LHX8: variants seen among roughly 807,000 people sequenced by gnomAD.
LHX8 encodes the protein LIM homeobox 8, also known as LIM/homeobox protein Lhx8.
A neutral mutation model predicts 40.3 loss-of-function variants in LHX8; 12 were observed. The ratio of observed to expected loss-of-function variants is 0.30; its 90% confidence interval spans 0.19 to 0.48. The LOEUF is 0.48. LHX8 is among the 20% of genes least tolerant of loss of function. LHX8 has a pLI of 0.99. For missense variants in LHX8, 344 were observed against 433.7 expected, an observed-to-expected ratio of 0.79 and a Z score of 1.84; for synonymous variants, 179 against 162.0, an observed-to-expected ratio of 1.10 and a Z score of -0.80.
At chr1:75,167,254 C>T in the LHX8 span, among the ~76,000 whole-genome samples, 368 of 152,338 alleles carry the variant, frequency 2.4e-3, no homozygotes, top group Middle Eastern at 0.014. Flanking sequence ...TTAAACTGCG[C>T]TGTGCCAGAG....
At chr1:75,198,957 A>G in the LHX8 span, among the ~76,000 whole-genome samples, 1 of 152,242 alleles carries the variant, frequency 6.6e-6, no homozygotes, top group Non-Finnish European at 1.5e-5. Flanking sequence ...AAGCACTGTG[A>G]AAAAGAGGCA....
rs1648794197 is a variant in LHX8, at chr1:75,157,199, TG to T, written c.964+129del. 4.4e-6 allele frequency: 5 copies of T among 1,139,142 alleles called. No individual in the cohort carries two copies. In the East Asian group the frequency reaches 7.4e-5, roughly 17 times the overall value. 70.6% of individuals were successfully genotyped at this position (1,139,142 alleles called of 1,614,324 possible). ...CCTCAGTAGTAGCTGAAAAATATTG[TG>T]GGGGGTGCAGTAGAGAGCAAAATTA... On this transcript the variant is annotated intron_variant, in intron 8 of 8. Transcript: ENST00000356261.
intron 3 of LHX8, among the ~76,000 whole-genome samples, chr1:75,137,874 C>T (rs1648198399): frequency 6.6e-6 from 1 of 152,106 alleles, no homozygotes; most frequent in African/African-American, 2.4e-5. Flanking sequence ...TTTATAGGTC[C>T]ATTTAAATAA....
the LHX8 span, among the ~76,000 whole-genome samples, chr1:75,179,499 G>GTTTTTTTTTT: frequency 7.5e-5 from 8 of 107,182 alleles, no homozygotes; most frequent in Non-Finnish European, 1.2e-4. Flanking sequence ...TGCAACCCCT[G>GTTTTTTTTTT]TTGTTTTTTT....
chr1:75,141,652 T>C (rs1004581526), intron 4 of LHX8, among the ~76,000 whole-genome samples: 2 of 152,174 alleles, frequency 1.3e-5, no homozygotes, highest in East Asian at 3.9e-4. Context: ...ATTTCTTTTG[T>C]CCGATCTTCA....
intron 6 of LHX8, among the ~76,000 whole-genome samples, chr1:75,147,264 T>C (rs1248975967): frequency 6.6e-6 from 1 of 152,190 alleles, no homozygotes; most frequent in Non-Finnish European, 1.5e-5. Flanking sequence ...ATCTCAAAAT[T>C]TGTAAACCTC....
At chr1:75,195,681 A>G in the LHX8 span, among the ~76,000 whole-genome samples, 1 of 151,974 alleles carries the variant, frequency 6.6e-6, no homozygotes, top group Non-Finnish European at 1.5e-5. Context: ...CTCATCAACA[A>G]TTGCATGCTG....
At chr1:75,178,804 G>A in the LHX8 span, among the ~76,000 whole-genome samples, 2 of 152,176 alleles carry the variant, frequency 1.3e-5, no homozygotes, top group Admixed American at 1.3e-4. Flanking sequence ...TCTCTTGTGG[G>A]CATTTAGTGC....
the LHX8 span, among the ~76,000 whole-genome samples, chr1:75,184,204 AT>A: frequency 2.0e-5 from 3 of 152,222 alleles, no homozygotes; most frequent in Non-Finnish European, 4.4e-5. Context: ...CACTGACAGC[AT>A]TAGGCAGAGA....
At chr1:75,186,270 T>C in the LHX8 span, among the ~76,000 whole-genome samples, 3 of 152,106 alleles carry the variant, frequency 2.0e-5, 1 homozygote, top group Non-Finnish European at 4.4e-5. Flanking sequence ...GCTGGAGATA[T>C]CACATTACCC....
chr1:75,178,851 C>A, the LHX8 span, among the ~76,000 whole-genome samples: 3 of 152,284 alleles, frequency 2.0e-5, no homozygotes, highest in Middle Eastern at 3.4e-3. Context: ...TAAATTTCTC[C>A]CAGAGATTCT....
chr1:75,196,685 T>A, the LHX8 span, among the ~76,000 whole-genome samples: 1 of 152,212 alleles, frequency 6.6e-6, no homozygotes, highest in Non-Finnish European at 1.5e-5. Flanking sequence ...TATCTGTATC[T>A]GCCTAAGCTT....
chr1:75,168,736 T>A, the LHX8 span, among the ~76,000 whole-genome samples: 1 of 152,182 alleles, frequency 6.6e-6, no homozygotes, highest in Non-Finnish European at 1.5e-5. Flanking sequence ...GCTCACAGGG[T>A]CTGCTTTCAA....
chr1:75,183,602 G>C, the LHX8 span, among the ~76,000 whole-genome samples: 1 of 152,136 alleles, frequency 6.6e-6, no homozygotes, highest in African/African-American at 2.4e-5. Flanking sequence ...CACTAGACCT[G>C]CCTGACAAGA....
At chr1:75,144,000 A>AT in intron 6 of LHX8, 52 bp downstream of exon 6, 1 of 1,394,392 alleles carries the variant, frequency 7.2e-7, no homozygotes, top group Non-Finnish European at 1.0e-6. Flanking sequence ...AACCAAAAAA[A>AT]CAAAAAGTAA....
chr1:75,143,918 T>C lies in LHX8; in HGVS notation c.654T>C (p.Ala218=). ...ACCATCCAAAACCAGCAAAAAGAGC[T>C]CGGACCAGCTTTACAGCAGATCAGC... ...DVNHPKPAKR[A]RTSFTADQLQ... The change falls in exon 6 of 9, where the codon GCT becomes GCC. Residue 218 remains alanine (A), a synonymous_variant. Transcript: ENST00000356261. The C allele has an allele frequency of 6.2e-7, 1 of 1,613,334 alleles. No homozygotes were observed. Among genetic ancestry groups the C allele is most frequent in the East Asian group, 2.2e-5 (1 of 44,840 alleles).
intron 7 of LHX8, among the ~76,000 whole-genome samples, chr1:75,152,288 C>A (rs12409145): frequency 0.12 from 18,808 of 152,192 alleles, 1,455 homozygotes; most frequent in South Asian, 0.25. Context: ...TACAAATATG[C>A]TTAGTAAGAC....
At chr1:75,166,547 C>G in the LHX8 span, among the ~76,000 whole-genome samples, 1 of 152,190 alleles carries the variant, frequency 6.6e-6, no homozygotes, top group South Asian at 2.1e-4. Flanking sequence ...GTTATTAGCT[C>G]ATTTCTTTCA....
chr1:75,158,393 A>G (rs1648826623), intron 8 of LHX8, among the ~76,000 whole-genome samples: 1 of 152,102 alleles, frequency 6.6e-6, no homozygotes, highest in Non-Finnish European at 1.5e-5. Context: ...CCTAATTTTA[A>G]TGTAGTTTAT....
Sources: allele counts gnomAD v4.1 joint callset (sites outside exome capture counted in the v4.1 genomes callset), GRCh38; gene constraint gnomAD v4.1.1; transcripts MANE v1.5; gene names NCBI Gene and HGNC (gene_info 2026-07-23, HGNC 2026-07-21).